The following DENND1A variants were observed in gnomAD, a reference collection of about 807,000 sequenced individuals.
DENND1A encodes DENN domain-containing protein 1A.
A neutral mutation model predicts 113.7 loss-of-function variants in DENND1A; 51 were observed. The observed-to-expected ratio is 0.45, with a 90% CI of 0.36 to 0.57. DENND1A has a LOEUF of 0.57. Among genes scored for constraint, DENND1A ranks in the 20% least tolerant of loss-of-function variants. The probability of loss-of-function intolerance (pLI) is 0.00; values close to 1 mark genes in which losing one functional copy is unlikely to be tolerated. For missense variants in DENND1A, 1,258 were observed against 1,395.9 expected, an observed-to-expected ratio of 0.90 and a Z score of 1.57; for synonymous variants, 565 against 570.8, an observed-to-expected ratio of 0.99 and a Z score of 0.14.
chr9:123,789,578 G>A (rs1832700341), intron 3 of DENND1A, among the ~76,000 whole-genome samples: 2 of 152,096 alleles, frequency 1.3e-5, no homozygotes, highest in African/African-American at 2.4e-5. Flanking sequence ...TTAAGACAGA[G>A]AAGATCAAAA....
chr9:123,709,798 T>C (rs1186341896), intron 5 of DENND1A, among the ~76,000 whole-genome samples: 1 of 152,216 alleles, frequency 6.6e-6, no homozygotes, highest in Non-Finnish European at 1.5e-5. Flanking sequence ...ATTTGGAATT[T>C]CTAAGGAACT....
At chr9:123,520,506 T>C (rs2808403) in intron 13 of DENND1A, among the ~76,000 whole-genome samples, 149,876 of 152,316 alleles carry the variant, frequency 0.98, 73,767 homozygotes, top group Middle Eastern at 1. Flanking sequence ...GGGTGTAAGG[T>C]CCACAGGTGA....
chr9:123,677,582 C>T (rs1018498437), intron 5 of DENND1A, among the ~76,000 whole-genome samples: 2 of 152,032 alleles, frequency 1.3e-5, no homozygotes, highest in African/African-American at 4.8e-5. Context: ...TACAGGTGTG[C>T]GCCACCATGC....
intron 19 of DENND1A, among the ~76,000 whole-genome samples, chr9:123,439,229 T>C (rs2046750165): frequency 6.6e-6 from 1 of 152,240 alleles, no homozygotes; most frequent in Non-Finnish European, 1.5e-5. Context: ...GATTCTTCTT[T>C]CTTGCGTTTC....
At chr9:123,775,909 T>A (rs1386905055) in intron 3 of DENND1A, among the ~76,000 whole-genome samples, 4 of 152,172 alleles carry the variant, frequency 2.6e-5, no homozygotes, top group South Asian at 2.1e-4. Context: ...GACACAAGCC[T>A]AGCAGATGTG....
intron 10 of DENND1A, among the ~76,000 whole-genome samples, chr9:123,629,465 T>C (rs544039333): frequency 2.0e-5 from 3 of 152,188 alleles, no homozygotes; most frequent in Non-Finnish European, 4.4e-5. Flanking sequence ...AGACAGATAG[T>C]GAGGACGATG....
At chr9:123,922,697 T>A (rs1856470445) in intron 1 of DENND1A, among the ~76,000 whole-genome samples, 1 of 152,186 alleles carries the variant, frequency 6.6e-6, no homozygotes, top group Non-Finnish European at 1.5e-5. Context: ...AGCTTTACCT[T>A]TTATCTCCCC....
At chr9:123,514,124 A>C (rs1157712566) in intron 13 of DENND1A, among the ~76,000 whole-genome samples, 2 of 133,682 alleles carry the variant, frequency 1.5e-5, no homozygotes, top group Non-Finnish European at 3.2e-5. Flanking sequence ...GTGTGTGTCC[A>C]TGACACCCAG....
intron 19 of DENND1A, among the ~76,000 whole-genome samples, chr9:123,432,985 T>C (rs2046248172): frequency 6.6e-6 from 1 of 152,186 alleles, no homozygotes; most frequent in African/African-American, 2.4e-5. Context: ...CTGCGCGCTC[T>C]GAGAGCCTCG....
chr9:123,454,376 G>A (rs2047954815), intron 16 of DENND1A, among the ~76,000 whole-genome samples: 1 of 152,236 alleles, frequency 6.6e-6, no homozygotes, highest in South Asian at 2.1e-4. Context: ...GAGCTTTGCT[G>A]TGAAAGAGGT....
Position 123,403,340 on chromosome 9 carries a change from C to T in DENND1A, c.1631+62G>A, listed in dbSNP as rs1446900694. The T allele has an allele frequency of 1.6e-5, 26 of 1,578,242 alleles. No homozygotes were observed. The Admixed American group carries it at 3.8e-4, about 23-fold the overall frequency. On this transcript the variant is annotated intron_variant, in intron 21 of 23. Transcript: ENST00000394215. ...GCCGGGGCTACACGCTTGGGCTTCG[C>T]AAAGTGCTGGCTCCGCAGACACAGG... is the stretch of plus-strand genomic sequence containing the variant.
chr9:123,590,682 C>T (rs1317169499), intron 11 of DENND1A, among the ~76,000 whole-genome samples: 1 of 152,030 alleles, frequency 6.6e-6, no homozygotes, highest in Non-Finnish European at 1.5e-5. Context: ...GTTTCATGAT[C>T]GTATAAAACT....
chr9:123,412,971 G>A (rs573822096), intron 19 of DENND1A, among the ~76,000 whole-genome samples: 101 of 152,318 alleles, frequency 6.6e-4, no homozygotes, highest in South Asian at 5.6e-3. Context: ...ACCACCTGAG[G>A]TCAGGAGTTC....
At chr9:123,688,779 T>C (rs778540674) in intron 5 of DENND1A, among the ~76,000 whole-genome samples, 1 of 152,146 alleles carries the variant, frequency 6.6e-6, no homozygotes, top group African/African-American at 2.4e-5. Context: ...GTTGAGACCC[T>C]GATGGAATTC....
chr9:123,495,487 A>G (rs538665670), intron 13 of DENND1A, among the ~76,000 whole-genome samples: 84 of 152,314 alleles, frequency 5.5e-4, no homozygotes, highest in Non-Finnish European at 1.0e-3. Flanking sequence ...GGTGTTACAA[A>G]TGGCCACTTT....
chr9:123,697,314 A>C (rs955278578), intron 5 of DENND1A, among the ~76,000 whole-genome samples: 3 of 152,222 alleles, frequency 2.0e-5, no homozygotes, highest in Admixed American at 2.0e-4. Flanking sequence ...TTAATTTAAA[A>C]GTACAACTTC....
chr9:123,784,840 G>A (rs1831870576), intron 3 of DENND1A, among the ~76,000 whole-genome samples: 1 of 152,132 alleles, frequency 6.6e-6, no homozygotes, highest in Non-Finnish European at 1.5e-5. Context: ...AACAGCTGGG[G>A]AGTGACCAAA....
chr9:123,700,725 A>C (rs1261728273), intron 5 of DENND1A, among the ~76,000 whole-genome samples: 1 of 152,232 alleles, frequency 6.6e-6, no homozygotes, highest in Non-Finnish European at 1.5e-5. Flanking sequence ...ATACCTTCAC[A>C]GTACCATCTA....
chr9:123,557,757 A>T, intron 12 of DENND1A, 62 bp from the exon 13 acceptor site: 1 of 1,582,540 alleles, frequency 6.3e-7, no homozygotes, highest in Non-Finnish European at 8.6e-7. Context: ...TGGCTGACTA[A>T]GCCCACTACA....
Sources: allele counts gnomAD v4.1 joint callset (sites outside exome capture counted in the v4.1 genomes callset), GRCh38; gene constraint gnomAD v4.1.1; transcripts MANE v1.5; gene names NCBI Gene and HGNC (gene_info 2026-07-23, HGNC 2026-07-21).